Variants in CTNNA3 observed in about 807,000 individuals in gnomAD.
The protein encoded by CTNNA3 is catenin alpha-3.
A neutral mutation model predicts 95.7 loss-of-function variants in CTNNA3; 76 were observed. The observed-to-expected ratio is 0.79, with a 90% CI of 0.66 to 0.96. The LOEUF (loss-of-function observed/expected upper bound fraction) is 0.96. Ranked by LOEUF, CTNNA3 falls within the 40% of genes least tolerant of loss-of-function variation. CTNNA3 has a pLI of 0.00. For synonymous variants in CTNNA3, 431 were observed against 374.4 expected (o/e 1.15, Z -1.74); for missense variants, 1,191 against 1,089.8 (o/e 1.09, Z -1.31).
intron 12 of CTNNA3, among the ~76,000 whole-genome samples, chr10:66,376,898 C>T (rs533204119): frequency 2.6e-4 from 40 of 152,076 alleles, no homozygotes; most frequent in Non-Finnish European, 5.3e-4. Flanking sequence ...ACGCAAACAA[C>T]GATGAACATC....
At chr10:66,935,189 C>T (rs1272368327) in intron 7 of CTNNA3, among the ~76,000 whole-genome samples, 2 of 152,086 alleles carry the variant, frequency 1.3e-5, no homozygotes, top group Non-Finnish European at 2.9e-5. Flanking sequence ...ACCAGAATCT[C>T]ACAAGAGCTT....
intron 6 of CTNNA3, 129 bp downstream of exon 6, chr10:67,219,478 T>A: frequency 1.0e-6 from 1 of 984,896 alleles, no homozygotes; most frequent in Non-Finnish European, 1.5e-6. Flanking sequence ...CTCAAGAAGG[T>A]GATAGAGACT....
chr10:66,552,469 C>T (rs541073664), intron 10 of CTNNA3, among the ~76,000 whole-genome samples: 21 of 152,252 alleles, frequency 1.4e-4, no homozygotes, highest in African/African-American at 5.1e-4. Flanking sequence ...AGTCTGTACT[C>T]TCCTCCAAAG....
intron 14 of CTNNA3, among the ~76,000 whole-genome samples, chr10:66,087,387 T>A (rs1453419360): frequency 6.6e-6 from 1 of 152,122 alleles, no homozygotes; most frequent in Non-Finnish European, 1.5e-5. Flanking sequence ...ACAACAAACT[T>A]TGGCTGTTTC....
chr10:67,217,982 T>C (rs1436104150), intron 6 of CTNNA3, among the ~76,000 whole-genome samples: 1 of 152,170 alleles, frequency 6.6e-6, no homozygotes, highest in Non-Finnish European at 1.5e-5. Context: ...ATTTTTAAAA[T>C]GTTGTATAAA....
At chr10:67,391,846 A>T (rs1844504760) in intron 5 of CTNNA3, among the ~76,000 whole-genome samples, 1 of 151,396 alleles carries the variant, frequency 6.6e-6, no homozygotes, top group Non-Finnish European at 1.5e-5. Context: ...AAAACTGGCT[A>T]CCCATTTGTA....
chr10:66,992,692 C>A (rs1365020029), intron 7 of CTNNA3, among the ~76,000 whole-genome samples: 1 of 152,038 alleles, frequency 6.6e-6, no homozygotes, highest in Non-Finnish European at 1.5e-5. Flanking sequence ...TTTTGTTGAT[C>A]ACATTTAAGT....
At chr10:66,717,900 C>A (rs904735926) in intron 9 of CTNNA3, among the ~76,000 whole-genome samples, 1 of 152,146 alleles carries the variant, frequency 6.6e-6, no homozygotes, top group Non-Finnish European at 1.5e-5. Flanking sequence ...CCCTTATGAA[C>A]CCAGTGTGTG....
chr10:67,390,857 C>T (rs372963996), intron 5 of CTNNA3, among the ~76,000 whole-genome samples: 1 of 144,518 alleles, frequency 6.9e-6, no homozygotes, highest in African/African-American at 2.6e-5. Flanking sequence ...ATTCAACAAC[C>T]CTTCATGCTA....
chr10:67,516,802 C>G (rs777788919), intron 5 of CTNNA3, among the ~76,000 whole-genome samples: 9 of 152,202 alleles, frequency 5.9e-5, no homozygotes, highest in Non-Finnish European at 8.8e-5. Flanking sequence ...CTACCCTCTA[C>G]TTCTCTGAGT....
intron 10 of CTNNA3, among the ~76,000 whole-genome samples, chr10:66,563,067 G>C (rs1842602234): frequency 6.6e-6 from 1 of 152,046 alleles, no homozygotes; most frequent in African/African-American, 2.4e-5. Flanking sequence ...CACTGCCAAA[G>C]AACAGCAGGT....
At chr10:66,123,433 T>A (rs1202434453) in intron 13 of CTNNA3, among the ~76,000 whole-genome samples, 1 of 152,178 alleles carries the variant, frequency 6.6e-6, no homozygotes, top group Non-Finnish European at 1.5e-5. Context: ...CCCTCTCGAC[T>A]GCTTTTATGG....
chr10:65,960,547 G>C (rs895770434), intron 17 of CTNNA3, among the ~76,000 whole-genome samples: 1 of 152,034 alleles, frequency 6.6e-6, no homozygotes, highest in Non-Finnish European at 1.5e-5. Context: ...AAAGATTCAG[G>C]GGGTACATGT....
At chr10:67,433,464 C>T (rs1207012014) in intron 5 of CTNNA3, among the ~76,000 whole-genome samples, 2 of 152,028 alleles carry the variant, frequency 1.3e-5, no homozygotes, top group East Asian at 3.9e-4. Flanking sequence ...TGACCACACG[C>T]TGTTGGGAAA....
In CTNNA3 at chr10:66,993,574, T is replaced by C. The variant is rs556306035; in HGVS notation, c.1047+186743A>G. On this transcript the variant is annotated intron_variant, in intron 7 of 17. Coordinates refer to ENST00000433211, the MANE Select transcript of CTNNA3 (RefSeq NM_013266.4). The stretch of plus-strand genomic sequence containing the variant: ...AACTATGAATCTATAAATTTTAGAA[T>C]TAACTTGTCTGGTTCCATCCAAATT... 2.6e-3 allele frequency among the ~76,000 whole-genome samples: 401 copies of C among 152,272 alleles called. 1 individual carries two copies. The highest frequency in any genetic ancestry group is 6.8e-3 in the Middle Eastern group (2 of 292).
intron 7 of CTNNA3, among the ~76,000 whole-genome samples, chr10:67,068,785 C>G (rs988030313): frequency 3.3e-5 from 5 of 152,174 alleles, no homozygotes; most frequent in African/African-American, 1.2e-4. Context: ...TTGGACCAGG[C>G]ATTGTGGCTT....
At chr10:66,534,909 T>C (rs1841599129) in intron 10 of CTNNA3, among the ~76,000 whole-genome samples, 1 of 152,040 alleles carries the variant, frequency 6.6e-6, no homozygotes, top group African/African-American at 2.4e-5. Flanking sequence ...TGTTTTCTCA[T>C]TAAATAATTA....
intron 12 of CTNNA3, among the ~76,000 whole-genome samples, chr10:66,312,584 G>C (rs1314336764): frequency 6.6e-6 from 1 of 151,038 alleles, no homozygotes; most frequent in African/African-American, 2.4e-5. Context: ...GTCTCACTCT[G>C]TCACCAGGTT....
At chr10:67,121,229 T>C (rs1195686022) in intron 7 of CTNNA3, among the ~76,000 whole-genome samples, 3 of 152,098 alleles carry the variant, frequency 2.0e-5, no homozygotes, top group African/African-American at 7.2e-5. Flanking sequence ...AATCGATGGA[T>C]GAAATTTTGG....
Sources: gnomAD v4.1 joint callset for allele counts (sites outside exome capture counted in the v4.1 genomes callset) on GRCh38, gnomAD v4.1.1 for gene constraint, MANE v1.5 for transcripts, NCBI Gene and HGNC (gene_info 2026-07-23, HGNC 2026-07-21) for gene names.